Variants in DCC observed in about 807,000 individuals in gnomAD.
DCC encodes the protein netrin receptor DCC.
In DCC, 58 loss-of-function variants were observed where a neutral mutation model predicts 172.5. The observed-to-expected ratio is 0.34, with a 90% CI of 0.27 to 0.42. The LOEUF (loss-of-function observed/expected upper bound fraction) is 0.42. DCC is among the 10% of genes least tolerant of loss of function. The pLI is 1.00. For synonymous variants in DCC, 709 were observed against 644.5 expected (o/e 1.10, Z -1.52); for missense variants, 1,740 against 1,791.0 (o/e 0.97, Z 0.51).
At chr18:52,985,966 C>CT (rs1021609299) in intron 5 of DCC, among the ~76,000 whole-genome samples, 11 of 152,092 alleles carry the variant, frequency 7.2e-5, no homozygotes, top group African/African-American at 2.4e-4. Context: ...ATCTTAATGC[C>CT]TTTTAGGGTT....
chr18:53,083,918 T>C (rs1271078401), intron 7 of DCC, among the ~76,000 whole-genome samples: 2 of 152,208 alleles, frequency 1.3e-5, no homozygotes, highest in African/African-American at 2.4e-5. Flanking sequence ...TGTATCAACT[T>C]AGTCAAACTG....
At chr18:52,817,196 A>G (rs916304693) in intron 2 of DCC, among the ~76,000 whole-genome samples, 1 of 152,200 alleles carries the variant, frequency 6.6e-6, no homozygotes, top group South Asian at 2.1e-4. Context: ...GGAAAAATGA[A>G]TAATATAAAT....
At chr18:53,347,031 T>A (rs2057734006) in intron 15 of DCC, among the ~76,000 whole-genome samples, 1 of 152,168 alleles carries the variant, frequency 6.6e-6, no homozygotes, top group African/African-American at 2.4e-5. Context: ...CTGCTGTTAG[T>A]GTTTAGGCTG....
At chr18:52,797,713 C>T (rs1054123766) in intron 2 of DCC, among the ~76,000 whole-genome samples, 1 of 152,162 alleles carries the variant, frequency 6.6e-6, no homozygotes, top group Non-Finnish European at 1.5e-5. Flanking sequence ...GTAGGTTGAA[C>T]TTATACTCTG....
chr18:53,332,310 G>C (rs2057537550), intron 14 of DCC, among the ~76,000 whole-genome samples: 1 of 151,998 alleles, frequency 6.6e-6, no homozygotes, highest in Admixed American at 6.6e-5. Flanking sequence ...ATAAGATTAG[G>C]TTGACACAAA....
intron 1 of DCC, among the ~76,000 whole-genome samples, chr18:52,388,979 A>T (rs1985925853): frequency 6.6e-6 from 1 of 152,144 alleles, no homozygotes; most frequent in African/African-American, 2.4e-5. Context: ...GAGGATAGCC[A>T]TTCATCAAAA....
At chr18:52,469,390 C>T (rs898326647) in intron 1 of DCC, among the ~76,000 whole-genome samples, 6 of 152,280 alleles carry the variant, frequency 3.9e-5, no homozygotes, top group Admixed American at 3.9e-4. Context: ...AATTTTCAAG[C>T]TATCTCCTAA....
intron 1 of DCC, among the ~76,000 whole-genome samples, chr18:52,594,403 T>C (rs1029940824): frequency 1.2e-4 from 18 of 152,300 alleles, no homozygotes; most frequent in African/African-American, 4.3e-4. Flanking sequence ...TATTGATGCC[T>C]CTCCCCTTCA....
chr18:53,037,670 G>A (rs2042114294), intron 5 of DCC, among the ~76,000 whole-genome samples: 1 of 151,900 alleles, frequency 6.6e-6, no homozygotes, highest in Non-Finnish European at 1.5e-5. Context: ...AATAAGCTTT[G>A]ATAAACAAAG....
At chr18:53,248,065 C>T (rs576775714) in intron 12 of DCC, among the ~76,000 whole-genome samples, 62 of 152,092 alleles carry the variant, frequency 4.1e-4, no homozygotes, top group African/African-American at 1.3e-3. Context: ...AATAGATGCT[C>T]AATAAATGTT....
intron 1 of DCC, among the ~76,000 whole-genome samples, chr18:52,735,335 A>T (rs2036708668): frequency 6.6e-6 from 1 of 152,180 alleles, no homozygotes; most frequent in African/African-American, 2.4e-5. Context: ...TTGGGATATC[A>T]TAGAATCACT....
chr18:52,385,633 G>A (rs1031126937), intron 1 of DCC, among the ~76,000 whole-genome samples: 15 of 151,318 alleles, frequency 9.9e-5, no homozygotes, highest in Admixed American at 2.0e-4. Context: ...AATTGATAGT[G>A]GTAGTAGTGT....
chr18:52,682,949 T>C (rs1599015748), intron 1 of DCC, among the ~76,000 whole-genome samples: 2 of 152,036 alleles, frequency 1.3e-5, no homozygotes, highest in South Asian at 4.1e-4. Flanking sequence ...ATTCAGGCTA[T>C]AGGATACAAA....
intron 2 of DCC, among the ~76,000 whole-genome samples, chr18:52,900,123 C>T (rs549692691): frequency 6.6e-6 from 1 of 152,258 alleles, no homozygotes; most frequent in African/African-American, 2.4e-5. Context: ...TTGGGGAAAG[C>T]TACTATGAGG....
intron 9 of DCC, among the ~76,000 whole-genome samples, chr18:53,180,234 A>G (rs2055173820): frequency 6.6e-6 from 1 of 152,218 alleles, no homozygotes; most frequent in African/African-American, 2.4e-5. Flanking sequence ...GGCCAGGGCT[A>G]CAGAGACAAG....
intron 1 of DCC, among the ~76,000 whole-genome samples, chr18:52,408,639 A>C (rs1285655916): frequency 6.6e-6 from 1 of 152,090 alleles, no homozygotes; most frequent in East Asian, 1.9e-4. Flanking sequence ...TTGTTATTTT[A>C]TATTCCTCTG....
chr18:52,876,901 C>T (rs2039411761), intron 2 of DCC, among the ~76,000 whole-genome samples: 1 of 152,174 alleles, frequency 6.6e-6, no homozygotes, highest in African/African-American at 2.4e-5. Context: ...GCAGACCCTC[C>T]ATTTCCCTAG....
At chr18:52,797,249 A>G (rs1289535528) in intron 2 of DCC, among the ~76,000 whole-genome samples, 1 of 152,170 alleles carries the variant, frequency 6.6e-6, no homozygotes, top group Non-Finnish European at 1.5e-5. Flanking sequence ...AAGGAATTCA[A>G]GATAAAGTTC....
At chr18:52,864,694 C>T (rs1048398567) in intron 2 of DCC, among the ~76,000 whole-genome samples, 3 of 151,920 alleles carry the variant, frequency 2.0e-5, no homozygotes, top group South Asian at 2.1e-4. Context: ...CCCCCAATCC[C>T]CCCAACAGGC....
Sources: gnomAD v4.1 joint callset for allele counts (sites outside exome capture counted in the v4.1 genomes callset) on GRCh38, gnomAD v4.1.1 for gene constraint, MANE v1.5 for transcripts, NCBI Gene and HGNC (gene_info 2026-07-23, HGNC 2026-07-21) for gene names.